Variants in METTL24 observed in about 807,000 individuals in gnomAD.
The protein encoded by METTL24 is methyltransferase like 24, also known as probable methyltransferase-like protein 24.
METTL24 carries 29 observed loss-of-function variants against 32.7 expected under a neutral mutation model. That is an observed-to-expected ratio of 0.89 (90% CI 0.66 to 1.21). The LOEUF is 1.21. Among genes scored for constraint, METTL24 ranks in the 50% most tolerant of loss-of-function variants. METTL24 has a pLI of 0.00. For synonymous variants in METTL24, 163 were observed against 179.5 expected, an observed-to-expected ratio of 0.91 and a Z score of 0.73; for missense variants, 439 against 468.1, an observed-to-expected ratio of 0.94 and a Z score of 0.57.
In METTL24 at chr6:110,319,270, A is replaced by ATGTG. The variant is rs58600122; in HGVS notation, c.417+3500_417+3503dup. ...TTATTGTTTTTATCCCTGTGTGTGTATGTGTGTGTGTGTGTGTGTGTGTGT... is the reference window on the plus strand; with the variant it reads ...TTATTGTTTTTATCCCTGTGTGTGTATGTGTGTGTGTGTGTGTGTGTGTGTGTGT... On this transcript the variant is annotated intron_variant, in intron 2 of 4. Coordinates refer to ENST00000338882, the MANE Select transcript of METTL24 (RefSeq NM_001123364.3). Among the ~76,000 whole-genome samples the ATGTG allele has an allele frequency of 3.4e-4, 50 of 148,588 alleles. 1 individual carries two copies. The East Asian group carries it at 6.1e-3, about 18-fold the overall frequency.
chr6:110,264,755 A>G (rs1770819891), intron 4 of METTL24, among the ~76,000 whole-genome samples: 1 of 152,218 alleles, frequency 6.6e-6, no homozygotes. Context: ...GGATTAAGAA[A>G]ATGTAGCACA....
rs1778129959 is a variant in METTL24, at chr6:110,245,184, AAGTG to A, written c.*758_*761del. On this transcript the variant is annotated 3_prime_UTR_variant, in exon 5 of 5. Transcript: ENST00000338882. ...TAAATCAGATTCTTCACCTCAGTGT[AAGTG>A]GACCTCATTCAACCAGTTGAAGGCC... 1.3e-5 allele frequency among the ~76,000 whole-genome samples: 2 copies of A among 152,218 alleles called. No homozygotes were observed. The highest frequency in any genetic ancestry group is 2.9e-5 in the Non-Finnish European group (2 of 68,036).
chr6:110,347,192 G>A (rs1344773044), intron 1 of METTL24, among the ~76,000 whole-genome samples: 3 of 152,052 alleles, frequency 2.0e-5, no homozygotes, highest in Non-Finnish European at 2.9e-5. Flanking sequence ...TTCTCAGCAG[G>A]CAAATATAGA....
At chr6:110,250,404 G>A (rs888982105) in intron 4 of METTL24, among the ~76,000 whole-genome samples, 2 of 151,930 alleles carry the variant, frequency 1.3e-5, no homozygotes, top group Non-Finnish European at 2.9e-5. Flanking sequence ...ACATCAGTCA[G>A]ATTGGAATAG....
chr6:110,292,259 A>C (rs1771333821), intron 4 of METTL24, among the ~76,000 whole-genome samples: 1 of 152,258 alleles, frequency 6.6e-6, no homozygotes, highest in Admixed American at 6.5e-5. Flanking sequence ...AACTCACAGA[A>C]GTAGAATTGC....
rs144350512 is a variant in METTL24, at chr6:110,302,934, G to A, written c.558-3784C>T. Among the ~76,000 whole-genome samples the A allele has an allele frequency of 6.8e-3, 1,036 of 152,222 alleles. 7 individuals carry two copies. Among genetic ancestry groups the A allele is most frequent in the African/African-American group, 0.024 (1,002 of 41,524 alleles). On this transcript the variant is annotated intron_variant, in intron 3 of 4. Coordinates refer to ENST00000338882, the MANE Select transcript of METTL24 (RefSeq NM_001123364.3). ...CCAGCAAGACCAATGCAGAAGGTGGGCAATTTCTGCATGTCCAACTGAGGT... is the reference window on the plus strand; with the variant it reads ...CCAGCAAGACCAATGCAGAAGGTGGACAATTTCTGCATGTCCAACTGAGGT...
intron 4 of METTL24, among the ~76,000 whole-genome samples, chr6:110,252,233 C>T (rs910031117): frequency 2.0e-5 from 3 of 152,158 alleles, no homozygotes; most frequent in Admixed American, 6.5e-5. Context: ...CAAAGCAGAT[C>T]GGGTGGTTTA....
intron 4 of METTL24, among the ~76,000 whole-genome samples, chr6:110,268,043 C>T (rs1770889784): frequency 6.6e-6 from 1 of 152,172 alleles, no homozygotes; most frequent in Non-Finnish European, 1.5e-5. Context: ...GACATTTCAA[C>T]ATTAGATTTG....
chr6:110,286,149 C>T (rs924025784), intron 4 of METTL24, among the ~76,000 whole-genome samples: 1 of 152,242 alleles, frequency 6.6e-6, no homozygotes, highest in Non-Finnish European at 1.5e-5. Context: ...GGGAACTCAT[C>T]GACTGGGTGG....
chr6:110,358,002 T>C lies in METTL24; in HGVS notation c.271A>G (p.Thr91Ala). 8.6e-7 allele frequency: 1 copy of C among 1,167,448 alleles called. No homozygotes were observed. The highest frequency in any genetic ancestry group is 1.1e-6 in the Non-Finnish European group (1 of 947,166). 72.3% of individuals were successfully genotyped at this position (1,167,448 alleles called of 1,614,324 possible). A position where few individuals can be genotyped will look rare whatever the true frequency, so the allele number is the denominator to read the frequency against. ...RAPPGGGGSG[T>A]PEPGCCAPRG... ...GGGGCACAGCAGCCAGGCTCCGGCGTCCCGCTCCCGCCGCCCCCCGGCGGC... is the reference window on the plus strand; with the variant it reads ...GGGGCACAGCAGCCAGGCTCCGGCGCCCCGCTCCCGCCGCCCCCCGGCGGC... Residue 91 changes from threonine to alanine, a missense_variant, in exon 1 of 5, where the codon ACG becomes GCG. Transcript: ENST00000338882.
chr6:110,338,327 A>C (rs904425512), intron 1 of METTL24, among the ~76,000 whole-genome samples: 1 of 152,204 alleles, frequency 6.6e-6, no homozygotes, highest in African/African-American at 2.4e-5. Flanking sequence ...GCAAAACCCT[A>C]TCTCTACTAA....
chr6:110,287,113 T>C (rs935520501), intron 4 of METTL24, among the ~76,000 whole-genome samples: 2 of 152,246 alleles, frequency 1.3e-5, no homozygotes, highest in Non-Finnish European at 2.9e-5. Flanking sequence ...TCTACTCTAT[T>C]GCAGCTCCAT....
chr6:110,339,748 T>C (rs1213064655), intron 1 of METTL24, among the ~76,000 whole-genome samples: 2 of 152,214 alleles, frequency 1.3e-5, no homozygotes, highest in Non-Finnish European at 2.9e-5. Context: ...TCATACTTTA[T>C]TGTATATAAC....
intron 4 of METTL24, among the ~76,000 whole-genome samples, chr6:110,295,116 G>A (rs1771390349): frequency 7.0e-6 from 1 of 142,464 alleles, no homozygotes. Flanking sequence ...TCCACCTCCT[G>A]GACTCAGTCA....
chr6:110,352,815 C>G (rs1772634377), intron 1 of METTL24, among the ~76,000 whole-genome samples: 1 of 152,146 alleles, frequency 6.6e-6, no homozygotes, highest in Admixed American at 6.5e-5. Flanking sequence ...AGTATTACAG[C>G]ACAGATGGAA....
chr6:110,315,433 G>C lies in METTL24; in HGVS notation c.466C>G (p.Pro156Ala). The C allele has an allele frequency of 6.2e-7, 1 of 1,614,100 alleles. No individual in the cohort carries two copies. The highest frequency in any genetic ancestry group is 8.5e-7 in the Non-Finnish European group (1 of 1,179,952). Residue 156 changes from proline to alanine, a missense_variant, in exon 3 of 5, where the codon CCT (proline) becomes GCT (alanine). Physicochemically the swap from Pro to Ala is conservative, Grantham distance 27. Transcript: ENST00000338882. ...CACACTGACCAGGGCTTGTGTGTAG[G>C]ACTAGAGTCAGTAGCCAGGCTGTCT... Reference protein sequence around the residue: ...NTDSLATDSSPTHKPWSVCLD... With the variant: ...NTDSLATDSSATHKPWSVCLD...
intron 4 of METTL24, among the ~76,000 whole-genome samples, chr6:110,282,615 C>T (rs1206774395): frequency 6.6e-6 from 1 of 152,126 alleles, no homozygotes; most frequent in Admixed American, 6.6e-5. Context: ...CTGGGCACCA[C>T]GGCCCAATGC....
chr6:110,259,086 G>A (rs1778439898), intron 4 of METTL24, among the ~76,000 whole-genome samples: 1 of 152,152 alleles, frequency 6.6e-6, no homozygotes, highest in South Asian at 2.1e-4. Flanking sequence ...GAGCTACCGG[G>A]TTCATCTCAC....
intron 4 of METTL24, among the ~76,000 whole-genome samples, chr6:110,270,361 G>C (rs926586284): frequency 2.0e-5 from 3 of 152,070 alleles, no homozygotes; most frequent in Admixed American, 6.6e-5. Flanking sequence ...GCTGGTTGTG[G>C]GGGGAGGGGT....
Sources: allele counts gnomAD v4.1 joint callset (sites outside exome capture counted in the v4.1 genomes callset), GRCh38; gene constraint gnomAD v4.1.1; transcripts MANE v1.5; gene names NCBI Gene and HGNC (gene_info 2026-07-23, HGNC 2026-07-21).